SMAP2: variants seen among roughly 807,000 people sequenced by gnomAD.
SMAP2 encodes the protein small ArfGAP2, also known as stromal membrane-associated protein 2.
A neutral mutation model predicts 56.4 loss-of-function variants in SMAP2; 25 were observed. The observed-to-expected ratio is 0.44, with a 90% confidence interval of 0.32 to 0.62. The LOEUF is 0.62. Among genes scored for constraint, SMAP2 ranks in the 20% least tolerant of loss-of-function variants. The probability of loss-of-function intolerance (pLI) is 0.04; values close to 1 mark genes in which losing one functional copy is unlikely to be tolerated. For synonymous variants in SMAP2, 157 were observed against 181.7 expected (o/e 0.86, Z 1.09); for missense variants, 388 against 545.6 (o/e 0.71, Z 2.88).
At chr1:40,418,713 TC>T (rs1194944797) in intron 9 of SMAP2, among the ~76,000 whole-genome samples, 3 of 152,160 alleles carry the variant, frequency 2.0e-5, no homozygotes, top group African/African-American at 7.2e-5. Context: ...ACATCAGACT[TC>T]CTAGCAGCAA....
chr1:40,361,953 G>A (rs1184174660), intron 1 of SMAP2, among the ~76,000 whole-genome samples: 1 of 152,218 alleles, frequency 6.6e-6, no homozygotes, highest in East Asian at 1.9e-4. Context: ...AGGCCAGTGA[G>A]GAGCGTTTAA....
intron 1 of SMAP2, among the ~76,000 whole-genome samples, chr1:40,359,029 A>C (rs1215538982): frequency 2.6e-5 from 4 of 152,064 alleles, no homozygotes; most frequent in Non-Finnish European, 5.9e-5. Context: ...AAATATAGTT[A>C]CTTCTGTTCT....
intron 4 of SMAP2, among the ~76,000 whole-genome samples, chr1:40,410,468 A>G (rs963632056): frequency 6.6e-6 from 1 of 151,964 alleles, no homozygotes; most frequent in Admixed American, 6.6e-5. Context: ...ATCTATCTAC[A>G]TAGATATATA....
intron 1 of SMAP2, among the ~76,000 whole-genome samples, chr1:40,377,921 T>A (rs1363224954): frequency 6.6e-6 from 1 of 152,208 alleles, no homozygotes; most frequent in Admixed American, 6.5e-5. Context: ...GTCCCTGATA[T>A]AAATGTTGTA....
At chr1:40,365,635 G>A (rs1557824569) in intron 2 of SMAP2, among the ~76,000 whole-genome samples, 1 of 152,184 alleles carries the variant, frequency 6.6e-6, no homozygotes, top group Non-Finnish European at 1.5e-5. Flanking sequence ...ACCTGCAGCT[G>A]AGGGTCCTGT....
intron 1 of SMAP2, among the ~76,000 whole-genome samples, chr1:40,395,065 C>G (rs141057844): frequency 6.6e-6 from 1 of 152,242 alleles, no homozygotes; most frequent in South Asian, 2.1e-4. Context: ...ATTAAAGACC[C>G]AGATCACAGG....
intron 5 of SMAP2, 195 bp from the exon 6 acceptor site, chr1:40,413,964 T>C (rs209604): frequency 0.9 from 495,628 of 552,468 alleles, 222,947 homozygotes; most frequent in African/African-American, 0.98. Context: ...TTGTTTTTCA[T>C]TTTAGGTTTG....
intron 2 of SMAP2, among the ~76,000 whole-genome samples, chr1:40,365,646 C>G (rs1644478532): frequency 6.6e-6 from 1 of 152,154 alleles, no homozygotes. Flanking sequence ...AGGGTCCTGT[C>G]TGTTAGAAGG....
intron 1 of SMAP2, among the ~76,000 whole-genome samples, chr1:40,398,168 C>T (rs558876588): frequency 2.6e-5 from 4 of 152,122 alleles, no homozygotes; most frequent in South Asian, 4.2e-4. Flanking sequence ...CCCATTATCC[C>T]GATATAGTAA....
At position 40,385,791 on chromosome 1, in the gene SMAP2, T is replaced by C. The variant is rs1644648308; in HGVS notation, c.103+11568T>C. Among the ~76,000 whole-genome samples the C allele has an allele frequency of 6.6e-6, 1 of 152,246 alleles. No individual in the cohort carries two copies. Among genetic ancestry groups the C allele is most frequent in the Non-Finnish European group, 1.5e-5 (1 of 68,046 alleles). On this transcript the variant is annotated intron_variant, in intron 1 of 9. Transcript: ENST00000372718. This position sits in a 1 kb window ranked among gnomAD's most constrained non-coding sequence, Gnocchi z 4.5. ...TTTACATGTTAATCCTACAATGTTA[T>C]TTCACCTCAGTGGTCTGAAGTGCGC...
intron 1 of SMAP2, among the ~76,000 whole-genome samples, chr1:40,380,583 G>A (rs556689912): frequency 6.8e-6 from 1 of 147,922 alleles, no homozygotes; most frequent in East Asian, 2.0e-4. Flanking sequence ...AGGCTGGAGT[G>A]CAGTGGTGTG....
chr1:40,408,587 G>A lies in SMAP2; in HGVS notation c.238-66G>A. 1 of 1,365,752 alleles carries A rather than the reference G, an allele frequency of 7.3e-7. No individual in the cohort carries two copies. Among genetic ancestry groups the A allele is most frequent in the Non-Finnish European group, 1.0e-6 (1 of 957,284 alleles). 84.6% of individuals were successfully genotyped at this position (1,365,752 alleles called of 1,614,324 possible). On this transcript the variant is annotated intron_variant, in intron 2 of 9. Coordinates refer to ENST00000372718, the MANE Select transcript of SMAP2 (RefSeq NM_022733.3). This position sits in a 1 kb window ranked among gnomAD's most constrained non-coding sequence, Gnocchi z 4.3. ...CTTCAATTGTACAGTAGTGGAATTGGGTGAGAAGTTTTTCAGTTCTTTCTT... is the reference window on the plus strand; with the variant it reads ...CTTCAATTGTACAGTAGTGGAATTGAGTGAGAAGTTTTTCAGTTCTTTCTT...
chr1:40,351,751 C>T (rs1164888155), intron 1 of SMAP2, among the ~76,000 whole-genome samples: 1 of 152,184 alleles, frequency 6.6e-6, no homozygotes, highest in Non-Finnish European at 1.5e-5. Flanking sequence ...ATCCACCCAC[C>T]TTGGCCTCTC....
chr1:40,406,773 C>T lies in SMAP2; in HGVS notation c.141C>T (p.Ile47=). 3 of 1,614,110 alleles carry T rather than the reference C, an allele frequency of 1.9e-6. No homozygotes were observed. Among genetic ancestry groups the T allele is most frequent in the African/African-American group, 2.7e-5 (2 of 75,050 alleles). ...CCTCTTGGAACATTGGTGTGTTCAT[C>T]TGCATTCGATGTGCTGGAATCCACA... ...RWASWNIGVF[I]CIRCAGIHRN... Residue 47 remains isoleucine, a synonymous_variant, in exon 2 of 10, where the codon ATC becomes ATT. Transcript: ENST00000372718.
chr1:40,345,704 T>C (rs1007221924), intron 1 of SMAP2, among the ~76,000 whole-genome samples: 3 of 151,616 alleles, frequency 2.0e-5, no homozygotes, highest in Non-Finnish European at 4.4e-5. Context: ...GATCAGCATA[T>C]AAAGATCTCT....
intron 1 of SMAP2, among the ~76,000 whole-genome samples, chr1:40,389,834 C>T (rs1027426686): frequency 6.6e-6 from 1 of 152,144 alleles, no homozygotes; most frequent in Non-Finnish European, 1.5e-5. Context: ...TTAGAAACTC[C>T]TTGTGCCCAC....
chr1:40,416,354 G>T lies in SMAP2; in HGVS notation c.847+13G>T. 1 of 1,610,422 alleles carries T rather than the reference G, an allele frequency of 6.2e-7. No homozygotes were observed. The highest frequency in any genetic ancestry group is 8.5e-7 in the Non-Finnish European group (1 of 1,178,408). ...ATGCCTACTCAAGGTAGATTTCATG[G>T]GTGTCATGGCCATGTGCCAGGTAGA... On this transcript the variant is annotated intron_variant, in intron 8 of 9. Coordinates refer to ENST00000372718, the MANE Select transcript of SMAP2 (RefSeq NM_022733.3).
intron 4 of SMAP2, among the ~76,000 whole-genome samples, chr1:40,412,208 G>T (rs1644942672): frequency 6.6e-6 from 1 of 152,114 alleles, no homozygotes. Flanking sequence ...TACATTACAA[G>T]ATATGGTATC....
Position 40,422,434 on chromosome 1 carries a change from C to G in SMAP2, c.*333C>G. The G allele has an allele frequency of 3.5e-6, 1 of 288,570 alleles. No individual in the cohort carries two copies. Among genetic ancestry groups the G allele is most frequent in the South Asian group, 4.1e-5 (1 of 24,270 alleles). 17.9% of individuals were successfully genotyped at this position (288,570 alleles called of 1,614,324 possible). On this transcript the variant is annotated 3_prime_UTR_variant, in exon 10 of 10. Coordinates refer to ENST00000372718, the MANE Select transcript of SMAP2 (RefSeq NM_022733.3). ...CTTCCCTCAAGGTTAAAGCTCCTGT[C>G]AGACTCTCAGAAGGGTCTGTGGGTG...
Sources: gnomAD v4.1 joint callset for allele counts (sites outside exome capture counted in the v4.1 genomes callset) on GRCh38, gnomAD v4.1.1 for gene constraint, Gnocchi (gnomAD v3.1) non-coding constraint, MANE v1.5 for transcripts, NCBI Gene and HGNC (gene_info 2026-07-23, HGNC 2026-07-21) for gene names.